The following PDGFA variants were observed in gnomAD, a reference collection of about 807,000 sequenced individuals.
PDGFA encodes platelet derived growth factor subunit A.
Under a neutral mutation model 25.6 loss-of-function variants are expected in PDGFA, and 9 were observed. The observed-to-expected ratio is 0.35, with a 90% CI of 0.21 to 0.61. The LOEUF (loss-of-function observed/expected upper bound fraction) is 0.61, where lower values mean the gene tolerates loss of function less well. PDGFA is among the 20% of genes least tolerant of loss of function. PDGFA has a pLI of 0.75. For synonymous variants in PDGFA, 133 were observed against 111.8 expected (o/e 1.19, Z -1.20); for missense variants, 242 against 272.8 (o/e 0.89, Z 0.79).
intron 4 of PDGFA, among the ~76,000 whole-genome samples, chr7:504,293 C>G (rs9330362): frequency 0.87 from 132,661 of 151,944 alleles, 58,650 homozygotes; most frequent in Non-Finnish European, 0.95. Flanking sequence ...GGCCTGGGGT[C>G]GGAGAGGCCC....
chr7:503,821 T>C (rs1782452688), intron 4 of PDGFA, among the ~76,000 whole-genome samples: 1 of 152,068 alleles, frequency 6.6e-6, no homozygotes, highest in Non-Finnish European at 1.5e-5. Flanking sequence ...GTGGGGCGCC[T>C]GGGGTCAGGA....
chr7:499,720 T>TTCCCCCCCCCC (rs1562483075), intron 5 of PDGFA, among the ~76,000 whole-genome samples: 1 of 23,050 alleles, frequency 4.3e-5, no homozygotes. Flanking sequence ...ATTTTGCCCT[T>TTCCCCCCCCCC]CCCCCCCCCC....
chr7:511,994 C>T (rs1011290411), intron 3 of PDGFA, among the ~76,000 whole-genome samples: 9 of 152,312 alleles, frequency 5.9e-5, no homozygotes, highest in South Asian at 2.1e-4. Flanking sequence ...GGAAATTAGG[C>T]GCGACCACGT....
chr7:520,071 C>T (rs1324093512), upstream of PDGFA: 3 of 397,628 alleles, frequency 7.5e-6, no homozygotes, highest in East Asian at 1.4e-4. Context: ...GCCCCGCGCC[C>T]GGCTCCGCGC....
At position 519,005 on chromosome 7, in the gene PDGFA, G is replaced by A; in HGVS notation, c.-4C>T. ...GCAGGCAAGCCAAGGTCCTCATCGC[G>A]TCCCGAGGCGCTGGCTGCTCGGAGG... On this transcript the variant is annotated 5_prime_UTR_variant, in exon 1 of 6. In the 5' UTR this introduces an upstream ATG that the reference lacks. Transcript: ENST00000402802. 1 of 1,530,452 alleles carries A rather than the reference G, an allele frequency of 6.5e-7. No homozygotes were observed. 94.8% of individuals were successfully genotyped at this position (1,530,452 alleles called of 1,614,324 possible).
At chr7:519,026 G>C in exon 1 of PDGFA, 1 of 1,516,030 alleles carries the variant, frequency 6.6e-7, no homozygotes, top group Non-Finnish European at 8.8e-7. Context: ...CTGGCTGCTC[G>C]GAGGAGAGGC....
chr7:503,911 C>A (rs1782456206), intron 4 of PDGFA, among the ~76,000 whole-genome samples: 1 of 152,280 alleles, frequency 6.6e-6, no homozygotes, highest in African/African-American at 2.4e-5. Context: ...GACACTGCCG[C>A]TTCCTACATG....
rs1782197057 is a variant in PDGFA, at chr7:498,592, A to AG, written c.581-19dup. Reference sequence around the variant, plus strand: ...CCTCACATCTGCAGGGAGAAGGGAAAGACAGACACTGAGACCACCGACCAA... The same window carrying AG: ...CCTCACATCTGCAGGGAGAAGGGAAAGGACAGACACTGAGACCACCGACCAA... On this transcript the variant is annotated intron_variant, in intron 5 of 5. Transcript: ENST00000402802. The AG allele has an allele frequency of 6.2e-7, 1 of 1,609,708 alleles. No individual in the cohort carries two copies. Among genetic ancestry groups the AG allele is most frequent in the Non-Finnish European group, 8.5e-7 (1 of 1,178,160 alleles).
In PDGFA at chr7:500,606, G is replaced by T; in HGVS notation, c.580+510C>A. On this transcript the variant is annotated intron_variant, in intron 5 of 5. Coordinates refer to ENST00000402802, the Ensembl canonical transcript of PDGFA. The surrounding 1 kb of genome is among the most constrained non-coding windows in gnomAD (Gnocchi z 5.0). ...ATTTGTTTATCTTTCCAGAAGAGAA[G>T]GCCAGCACCCTGGCACCGAGAAACT... 1 of 1,568,786 alleles carries T rather than the reference G, an allele frequency of 6.4e-7. No homozygotes were observed. Among genetic ancestry groups the T allele is most frequent in the African/African-American group, 1.4e-5 (1 of 73,634 alleles).
chr7:498,847 T>C (rs532704804), intron 5 of PDGFA, among the ~76,000 whole-genome samples: 32 of 152,330 alleles, frequency 2.1e-4, no homozygotes, highest in Middle Eastern at 6.8e-3. Flanking sequence ...TGGGGGAAAC[T>C]GAGGCCAAGA....
intron 2 of PDGFA, chr7:513,267 G>A (rs573086129): frequency 5.9e-5 from 9 of 153,348 alleles, no homozygotes; most frequent in Admixed American, 1.3e-4. Flanking sequence ...AGCACTGACC[G>A]GGGAGCAGAA....
intron 2 of PDGFA, among the ~76,000 whole-genome samples, chr7:516,003 C>CCG (rs1562493417): frequency 8.8e-6 from 1 of 113,762 alleles, no homozygotes; most frequent in Non-Finnish European, 1.8e-5. Flanking sequence ...CTAGCACCCC[C>CCG]CCCCAGAAAA....
chr7:500,368 T>C lies in PDGFA; in HGVS notation c.580+748A>G. ...CGAGACAGGAAGCGTGATTTGCTGG[T>C]GTGATCAGTCAGTTGCACCTCCCCG... On this transcript the variant is annotated intron_variant, in intron 5 of 5. Coordinates refer to ENST00000402802, the Ensembl canonical transcript of PDGFA. This position sits in a 1 kb window ranked among gnomAD's most constrained non-coding sequence, Gnocchi z 5.0. 2 of 1,545,944 alleles carry C rather than the reference T, an allele frequency of 1.3e-6. No homozygotes were observed. The highest frequency in any genetic ancestry group is 1.8e-6 in the Non-Finnish European group (2 of 1,118,636).
At chr7:510,753 G>A in intron 4 of PDGFA, 56 bp downstream of exon 4, 1 of 508,984 alleles carries the variant, frequency 2.0e-6, no homozygotes, top group Non-Finnish European at 3.3e-6. Flanking sequence ...GGAGAGGAGG[G>A]GAGGGGAGAG....
chr7:515,399 A>G (rs1783042875), intron 2 of PDGFA, among the ~76,000 whole-genome samples: 1 of 152,176 alleles, frequency 6.6e-6, no homozygotes. Flanking sequence ...GGAGTTGAAG[A>G]AAAGACACCC....
exon 6 of PDGFA, chr7:498,413 T>G (rs936151110): frequency 1.4e-6 from 1 of 715,308 alleles, no homozygotes; most frequent in Non-Finnish European, 2.5e-6. Context: ...AAATGTGCAC[T>G]GTCTCTTTGT....
chr7:504,513 G>A (rs1782477555), intron 4 of PDGFA, among the ~76,000 whole-genome samples: 1 of 152,086 alleles, frequency 6.6e-6, no homozygotes, highest in Admixed American at 6.5e-5. Context: ...CTCCCCTGGA[G>A]GCCCTGGACA....
chr7:497,892 A>T (rs1465574319), exon 6 of PDGFA: 3 of 111,952 alleles, frequency 2.7e-5, no homozygotes, highest in Non-Finnish European at 3.8e-5. Context: ...AAAAAAAAAA[A>T]GCTAGCCAAA....
At position 517,257 on chromosome 7, in the gene PDGFA, C is replaced by T; in HGVS notation, c.160+137G>A. On this transcript the variant is annotated intron_variant, in intron 2 of 5. Coordinates refer to ENST00000402802, the Ensembl canonical transcript of PDGFA. This position sits in a 1 kb window ranked among gnomAD's most constrained non-coding sequence, Gnocchi z 7.4. ...GAAGAGAAACTCCTGACTCATCCGC[C>T]CGGGCGCTTATGGCTGGGGATTGGA... 3.2e-6 allele frequency: 1 copy of T among 310,502 alleles called. No homozygotes were observed. The highest frequency in any genetic ancestry group is 5.8e-6 in the Non-Finnish European group (1 of 172,072). 19.2% of individuals were successfully genotyped at this position (310,502 alleles called of 1,614,324 possible). A position where few individuals can be genotyped will look rare whatever the true frequency, so the allele number is the denominator to read the frequency against.
Sources: gnomAD v4.1 joint callset for allele counts (sites outside exome capture counted in the v4.1 genomes callset) on GRCh38, gnomAD v4.1.1 for gene constraint, Gnocchi (gnomAD v3.1) non-coding constraint, MANE v1.5 for transcripts, NCBI Gene and HGNC (gene_info 2026-07-23, HGNC 2026-07-21) for gene names.